The following DPF3 variants were observed in gnomAD, a reference collection of about 807,000 sequenced individuals.
DPF3 encodes the protein double PHD fingers 3.
A neutral mutation model predicts 56.8 loss-of-function variants in DPF3; 18 were observed. That is an observed-to-expected ratio of 0.32 (90% CI 0.22 to 0.47). The LOEUF is 0.47. Among genes scored for constraint, DPF3 ranks in the 20% least tolerant of loss-of-function variants. The pLI is 1.00. For missense variants in DPF3, 403 were observed against 488.8 expected, an observed-to-expected ratio of 0.82 and a Z score of 1.65; for synonymous variants, 188 against 180.2, an observed-to-expected ratio of 1.04 and a Z score of -0.35.
intron 7 of DPF3, among the ~76,000 whole-genome samples, chr14:72,678,678 T>C (rs1887021715): frequency 6.6e-6 from 1 of 152,246 alleles, no homozygotes; most frequent in South Asian, 2.1e-4. Context: ...CTTCTGCTTA[T>C]GGGAAATTGA....
chr14:72,855,303 A>T (rs1364851633), intron 1 of DPF3, among the ~76,000 whole-genome samples: 1 of 152,216 alleles, frequency 6.6e-6, no homozygotes, highest in Non-Finnish European at 1.5e-5. Flanking sequence ...GGAATGAGGG[A>T]ATTAGGAATT....
At chr14:72,678,299 C>A (rs1186475086) in intron 7 of DPF3, among the ~76,000 whole-genome samples, 2 of 152,314 alleles carry the variant, frequency 1.3e-5, no homozygotes, top group East Asian at 3.9e-4. Context: ...TTTCATAAAT[C>A]TCTTTAGAGT....
At chr14:72,892,583 C>T (rs1203983296) in intron 1 of DPF3, 1 of 1,269,832 alleles carries the variant, frequency 7.9e-7, no homozygotes, top group African/African-American at 1.5e-5. Context: ...CGTTAGGAAC[C>T]CCCTACCGTC....
At chr14:72,865,805 G>T (rs182966046) in intron 1 of DPF3, among the ~76,000 whole-genome samples, 6 of 152,288 alleles carry the variant, frequency 3.9e-5, no homozygotes, top group Admixed American at 1.3e-4. Context: ...CCAGCCCTTT[G>T]GGAGGCAGAG....
chr14:72,890,501 G>GATAATAACAATAATA (rs1555517363), intron 1 of DPF3, among the ~76,000 whole-genome samples: 2 of 146,492 alleles, frequency 1.4e-5, no homozygotes, highest in Admixed American at 1.4e-4. Context: ...AAAAAATAAT[G>GATAATAACAATAATA]ATAATAATAA....
chr14:72,713,711 G>C (rs72728590), intron 6 of DPF3, among the ~76,000 whole-genome samples: 7,507 of 152,268 alleles, frequency 0.049, 268 homozygotes, highest in South Asian at 0.14. Context: ...GCCTCCCAGT[G>C]CTCTGCTGTC....
rs574634866 is a variant in DPF3 at position 72,843,612 on chromosome 14, G to A, written c.32+50445C>T. On this transcript the variant is annotated intron_variant, in intron 1 of 10. Transcript: ENST00000556509. ...GGCTGGAGTGCAATGGCGTGACCTC[G>A]GCTCACTGCAACCTCCACCTCCCGA... Among the ~76,000 whole-genome samples the A allele has an allele frequency of 9.9e-5, 15 of 152,284 alleles. No individual in the cohort carries two copies. The South Asian group carries it at 1.0e-3, about 11-fold the overall frequency.
chr14:72,798,575 T>C (rs1376320388), intron 1 of DPF3, among the ~76,000 whole-genome samples: 1 of 152,226 alleles, frequency 6.6e-6, no homozygotes, highest in Non-Finnish European at 1.5e-5. Context: ...CTGCAAGATG[T>C]ATCCTCTAGC....
chr14:72,827,488 CTTTTTTTTT>C (rs1182260007), intron 1 of DPF3, among the ~76,000 whole-genome samples: 28 of 78,318 alleles, frequency 3.6e-4, no homozygotes, highest in African/African-American at 1.3e-3. Flanking sequence ...TCCCTTTACT[CTTTTTTTTT>C]TTTTTTTTTT....
intron 3 of DPF3, among the ~76,000 whole-genome samples, chr14:72,734,338 TCAGA>T (rs1210064119): frequency 2.0e-5 from 3 of 152,194 alleles, no homozygotes; most frequent in Admixed American, 1.3e-4. Context: ...AAGGAGAGTG[TCAGA>T]CAAACAGCCA....
At chr14:72,697,489 C>T (rs1887954833) in intron 6 of DPF3, among the ~76,000 whole-genome samples, 1 of 152,152 alleles carries the variant, frequency 6.6e-6, no homozygotes, top group African/African-American at 2.4e-5. Flanking sequence ...GGGCTCAAAG[C>T]ACATGCAGTT....
At chr14:72,735,557 T>C (rs931134306) in intron 3 of DPF3, among the ~76,000 whole-genome samples, 4 of 152,184 alleles carry the variant, frequency 2.6e-5, no homozygotes, top group African/African-American at 4.8e-5. Flanking sequence ...TCCAATAGCA[T>C]CAAGAGTCCA....
At chr14:72,875,229 A>G (rs919385560) in intron 1 of DPF3, among the ~76,000 whole-genome samples, 4 of 152,204 alleles carry the variant, frequency 2.6e-5, no homozygotes, top group Non-Finnish European at 2.9e-5. Context: ...GGACACAGCC[A>G]AACCATATCA....
chr14:72,743,059 A>G (rs915559512), intron 3 of DPF3, among the ~76,000 whole-genome samples: 1 of 152,184 alleles, frequency 6.6e-6, no homozygotes, highest in Non-Finnish European at 1.5e-5. Flanking sequence ...CCCCAACGAC[A>G]TGGGATGGGG....
intron 7 of DPF3, among the ~76,000 whole-genome samples, chr14:72,683,405 G>T (rs1374046499): frequency 2.6e-5 from 4 of 151,992 alleles, no homozygotes; most frequent in Non-Finnish European, 5.9e-5. Context: ...CCAGTGGGTG[G>T]GCTGTGCTTT....
At chr14:72,700,116 T>C (rs1009561140) in intron 6 of DPF3, among the ~76,000 whole-genome samples, 4 of 152,210 alleles carry the variant, frequency 2.6e-5, no homozygotes, top group Admixed American at 1.3e-4. Context: ...TTGGATTGCA[T>C]CAGGATGAAA....
chr14:72,878,268 G>A (rs923486902), intron 1 of DPF3, among the ~76,000 whole-genome samples: 1 of 152,106 alleles, frequency 6.6e-6, no homozygotes, highest in Admixed American at 6.5e-5. Flanking sequence ...ATAATGATAC[G>A]CTGGTATCTC....
chr14:72,814,192 CTCCT>C (rs1883185649), intron 1 of DPF3, among the ~76,000 whole-genome samples: 1 of 152,136 alleles, frequency 6.6e-6, no homozygotes, highest in South Asian at 2.1e-4. Context: ...TGGTGCAGCC[CTCCT>C]AAGGCCCTTC....
chr14:72,610,529 G>A lies in DPF3; in HGVS notation c.*8768C>T, dbSNP rs1470571977. On this transcript the variant is annotated 3_prime_UTR_variant, in exon 11 of 11. Coordinates refer to ENST00000556509, the MANE Select transcript of DPF3 (RefSeq NM_001280542.3). Reference sequence around the variant, plus strand: ...TCTTAGCAGAGATGCTCCATGTCTTGGCTGTCAGAGAAATTGAGCTTACAA... The same window carrying A: ...TCTTAGCAGAGATGCTCCATGTCTTAGCTGTCAGAGAAATTGAGCTTACAA... 1.3e-5 allele frequency among the ~76,000 whole-genome samples: 2 copies of A among 152,222 alleles called. No individual in the cohort carries two copies. The highest frequency in any genetic ancestry group is 2.9e-5 in the Non-Finnish European group (2 of 68,042).
Sources: allele counts gnomAD v4.1 joint callset (sites outside exome capture counted in the v4.1 genomes callset), GRCh38; gene constraint gnomAD v4.1.1; transcripts MANE v1.5; gene names NCBI Gene and HGNC (gene_info 2026-07-23, HGNC 2026-07-21).